The following BAZ1B variants were observed in gnomAD, a reference collection of about 807,000 sequenced individuals.
BAZ1B encodes tyrosine-protein kinase BAZ1B.
BAZ1B carries 22 observed loss-of-function variants against 153.8 expected under a neutral mutation model. That is an observed-to-expected ratio of 0.14 (90% CI 0.10 to 0.20). The LOEUF is 0.20. BAZ1B is among the 10% of genes least tolerant of loss of function. BAZ1B has a pLI of 1.00. For missense variants in BAZ1B, 1,325 were observed against 1,799.3 expected (o/e 0.74, Z 4.77); for synonymous variants, 676 against 633.4 (o/e 1.07, Z -1.01).
chr7:73,485,480 G>A (rs1356115312), intron 6 of BAZ1B, among the ~76,000 whole-genome samples: 1 of 152,010 alleles, frequency 6.6e-6, no homozygotes, highest in Non-Finnish European at 1.5e-5. Flanking sequence ...ACAAAAATCA[G>A]TTGGGCATGG....
intron 13 of BAZ1B, among the ~76,000 whole-genome samples, chr7:73,454,159 T>TAAATAAATAAATAAAC (rs1336626903): frequency 1.3e-5 from 2 of 150,544 alleles, no homozygotes; most frequent in African/African-American, 4.9e-5. Context: ...AATAAATAAA[T>TAAATAAATAAATAAAC]AAATAAAAAT....
At chr7:73,458,058 A>G (rs1305771628) in intron 13 of BAZ1B, among the ~76,000 whole-genome samples, 1 of 152,216 alleles carries the variant, frequency 6.6e-6, no homozygotes, top group Non-Finnish European at 1.5e-5. Flanking sequence ...ATCATACTTA[A>G]GGAGAGGGTC....
intron 6 of BAZ1B, among the ~76,000 whole-genome samples, chr7:73,488,814 T>C (rs1789522347): frequency 6.6e-6 from 1 of 152,154 alleles, no homozygotes; most frequent in African/African-American, 2.4e-5. Flanking sequence ...CAGGTTCTTT[T>C]CAAGGCTGCC....
chr7:73,444,271 G>T, intron 16 of BAZ1B, 142 bp from the exon 17 acceptor site: 3 of 974,464 alleles, frequency 3.1e-6, no homozygotes, highest in Non-Finnish European at 4.4e-6. Flanking sequence ...AGGTGCTCTT[G>T]CTATTTTATC....
intron 4 of BAZ1B, among the ~76,000 whole-genome samples, chr7:73,495,397 T>C (rs1789835755): frequency 6.6e-6 from 1 of 152,182 alleles, no homozygotes; most frequent in African/African-American, 2.4e-5. Context: ...CAGTTAAGAA[T>C]TCAAACTGTG....
intron 5 of BAZ1B, among the ~76,000 whole-genome samples, chr7:73,492,154 G>A (rs1425591017): frequency 6.6e-6 from 1 of 151,136 alleles, no homozygotes; most frequent in African/African-American, 2.4e-5. Context: ...CACCACACCT[G>A]GCAAATTTTT....
At chr7:73,467,246 T>C (rs1243849933) in intron 9 of BAZ1B, among the ~76,000 whole-genome samples, 1 of 152,168 alleles carries the variant, frequency 6.6e-6, no homozygotes, top group Non-Finnish European at 1.5e-5. Flanking sequence ...ACCACAATAT[T>C]TGAAGCCTTA....
rs1554575005 is a variant in BAZ1B, at chr7:73,489,238, A to G, written c.847T>C (p.Ser283Pro). 6.2e-7 allele frequency: 1 copy of G among 1,614,098 alleles called. No homozygotes were observed. ...AAGTCACTGAACTTGCTGGGCAGAG[A>G]GTATTTCTTCACCAATTCATCTTCT... is the stretch of plus-strand genomic sequence containing the variant. ...VVEDELVKKY[S>P]LPSKFSDFLL... is the part of the protein sequence containing the mutation. The change falls in exon 6 of 20, where the codon TCT (serine) becomes CCT (proline). Residue 283 changes from serine to proline, a missense_variant. By Grantham distance (74) the Ser-to-Pro change is moderately conservative. Coordinates refer to ENST00000339594, the MANE Select transcript of BAZ1B (RefSeq NM_032408.4).
chr7:73,480,354 C>G (rs1460109199), intron 6 of BAZ1B, among the ~76,000 whole-genome samples: 1 of 152,028 alleles, frequency 6.6e-6, no homozygotes. Context: ...AGGTTACAGT[C>G]CGGTCCATTT....
intron 3 of BAZ1B, among the ~76,000 whole-genome samples, chr7:73,503,291 C>T (rs1317182524): frequency 2.0e-5 from 3 of 152,012 alleles, no homozygotes; most frequent in African/African-American, 7.2e-5. Context: ...ACTATGGTTT[C>T]GATTAGATTT....
rs1788449434 is a variant in BAZ1B at position 73,463,048 on chromosome 7, A to C, written c.3123T>G (p.Gly1041=). The C allele has an allele frequency of 6.2e-7, 1 of 1,613,994 alleles. No individual in the cohort carries two copies. The highest frequency in any genetic ancestry group is 8.5e-7 in the Non-Finnish European group (1 of 1,179,964). ...SIHLARKPNL[G]LKSCDGNQEL... ...CCTGGTTGCCATCACAAGATTTTAG[A>C]CCCAAATTTGGCTTCCGTGCTAGAT... The change falls in exon 12 of 20, where the codon GGT becomes GGG. Residue 1041 remains glycine (G), a synonymous_variant. Coordinates refer to ENST00000339594, the MANE Select transcript of BAZ1B (RefSeq NM_032408.4).
intron 16 of BAZ1B, 116 bp downstream of exon 16, chr7:73,447,148 C>T (rs1787867465): frequency 6.3e-7 from 1 of 1,578,664 alleles, no homozygotes; most frequent in Non-Finnish European, 8.6e-7. Flanking sequence ...AGTCACAACA[C>T]AAGAGAAAAG....
At chr7:73,461,973 C>T (rs1554570446) in intron 12 of BAZ1B, among the ~76,000 whole-genome samples, 1 of 152,192 alleles carries the variant, frequency 6.6e-6, no homozygotes, top group African/African-American at 2.4e-5. Context: ...TGCTATGTTG[C>T]CCAGGCTGGT....
chr7:73,509,869 G>A (rs1410051960), intron 2 of BAZ1B, among the ~76,000 whole-genome samples: 5 of 152,084 alleles, frequency 3.3e-5, no homozygotes, highest in African/African-American at 1.2e-4. Flanking sequence ...GTTCACGCCT[G>A]TAATCCCAGC....
rs1554564817 is a variant in BAZ1B at position 73,441,199 on chromosome 7, T to C, written c.*510A>G. The C allele has an allele frequency of 6.6e-6, 1 of 152,628 alleles. No individual in the cohort carries two copies. The highest frequency in any genetic ancestry group is 1.5e-5 in the Non-Finnish European group (1 of 68,060). 9.5% of individuals were successfully genotyped at this position (152,628 alleles called of 1,614,324 possible). On this transcript the variant is annotated 3_prime_UTR_variant, in exon 20 of 20. Coordinates refer to ENST00000339594, the MANE Select transcript of BAZ1B (RefSeq NM_032408.4). ...GGGCTGAAGGAGAAGCCAGGGAAGT[T>C]AGAGCAAACACATTATCATAGAAAC...
At chr7:73,489,771 C>A (rs538039573) in intron 5 of BAZ1B, among the ~76,000 whole-genome samples, 13 of 152,274 alleles carry the variant, frequency 8.5e-5, no homozygotes, top group Admixed American at 2.0e-4. Context: ...CTAGCCTGGG[C>A]AACAGAGTGA....
At chr7:73,513,590 T>G (rs1451915466) in intron 1 of BAZ1B, among the ~76,000 whole-genome samples, 1 of 152,186 alleles carries the variant, frequency 6.6e-6, no homozygotes, top group Non-Finnish European at 1.5e-5. Context: ...CAGAGGACAT[T>G]ATCCCAAGAC....
At chr7:73,455,165 G>C (rs559805933) in intron 13 of BAZ1B, among the ~76,000 whole-genome samples, 1 of 151,880 alleles carries the variant, frequency 6.6e-6, no homozygotes, top group Non-Finnish European at 1.5e-5. Flanking sequence ...GATTACAGGC[G>C]TGAGCCACCG....
At position 73,510,661 on chromosome 7, in the gene BAZ1B, T is replaced by G. The variant is rs1037271282; in HGVS notation, c.224+75A>C. The G allele has an allele frequency of 3.3e-5, 45 of 1,371,986 alleles. No individual in the cohort carries two copies. In the African/African-American group the frequency reaches 6.1e-4, roughly 19 times the overall value. The allele number at this position is 1,371,986 out of a possible 1,614,324, so 85.0% of individuals were successfully genotyped here. ...GCCCCATAAACTTAAATACACATACTGCTTTAGGGTTAATATTCCCTCCTT... is the reference window on the plus strand; with the variant it reads ...GCCCCATAAACTTAAATACACATACGGCTTTAGGGTTAATATTCCCTCCTT... On this transcript the variant is annotated intron_variant, in intron 2 of 19. Coordinates refer to ENST00000339594, the MANE Select transcript of BAZ1B (RefSeq NM_032408.4).
Sources: allele counts gnomAD v4.1 joint callset (sites outside exome capture counted in the v4.1 genomes callset), GRCh38; gene constraint gnomAD v4.1.1; transcripts MANE v1.5; gene names NCBI Gene and HGNC (gene_info 2026-07-23, HGNC 2026-07-21).